Variants in CSMD2 observed in about 807,000 individuals in gnomAD.
CSMD2 encodes the protein CUB and sushi domain-containing protein 2.
A neutral mutation model predicts 398.5 loss-of-function variants in CSMD2; 130 were observed. The ratio of observed to expected loss-of-function variants is 0.33; its 90% CI spans 0.28 to 0.38. The LOEUF is 0.38. CSMD2 is among the 10% of genes least tolerant of loss of function. The pLI is 1.00. For missense variants in CSMD2, 3,829 were observed against 4,764.9 expected (o/e 0.80, Z 5.78); for synonymous variants, 1,828 against 1,908.5 (o/e 0.96, Z 1.10).
At chr1:33,837,827 T>G (rs1660460339) in intron 6 of CSMD2, among the ~76,000 whole-genome samples, 1 of 152,252 alleles carries the variant, frequency 6.6e-6, no homozygotes, top group Admixed American at 6.5e-5. Context: ...CTCCTCCGAA[T>G]GATAATGACT....
chr1:33,859,085 C>T (rs1639303152), intron 5 of CSMD2, among the ~76,000 whole-genome samples: 5 of 152,180 alleles, frequency 3.3e-5, no homozygotes, highest in Admixed American at 3.3e-4. Flanking sequence ...TACAGACCAG[C>T]AGCCAGAGGA....
At chr1:33,861,191 A>T (rs1639471482) in intron 5 of CSMD2, 1 of 152,330 alleles carries the variant, frequency 6.6e-6, no homozygotes, top group East Asian at 1.9e-4. Context: ...TGTAAAATGT[A>T]TTTCTTATTG....
intron 28 of CSMD2, among the ~76,000 whole-genome samples, chr1:33,648,227 T>C (rs1428958063): frequency 1.3e-5 from 2 of 152,080 alleles, no homozygotes; most frequent in Non-Finnish European, 2.9e-5. Context: ...CCAGGCGTGG[T>C]GGTGGGCACC....
intron 70 of CSMD2, among the ~76,000 whole-genome samples, chr1:33,516,867 G>A (rs2148510205): frequency 1.3e-5 from 2 of 151,012 alleles, no homozygotes; most frequent in South Asian, 2.1e-4. Context: ...TAGGAACCCA[G>A]GAAAACATTC....
At chr1:33,972,484 G>A (rs1645807914) in intron 3 of CSMD2, among the ~76,000 whole-genome samples, 1 of 152,086 alleles carries the variant, frequency 6.6e-6, no homozygotes, top group Non-Finnish European at 1.5e-5. Context: ...GAGGTGGGGA[G>A]GTCATCCTGG....
At chr1:33,794,991 G>C (rs775965459) in intron 10 of CSMD2, among the ~76,000 whole-genome samples, 1 of 151,956 alleles carries the variant, frequency 6.6e-6, no homozygotes, top group Non-Finnish European at 1.5e-5. Context: ...GCAAGGTCTA[G>C]ATGAAGTGGG....
intron 4 of CSMD2, among the ~76,000 whole-genome samples, chr1:33,926,088 T>C (rs950436978): frequency 2.0e-5 from 3 of 152,216 alleles, no homozygotes; most frequent in Non-Finnish European, 4.4e-5. Flanking sequence ...TGATCAATTA[T>C]ATCATTACTT....
chr1:33,651,512 G>A (rs1487245021), intron 28 of CSMD2, among the ~76,000 whole-genome samples: 2 of 152,190 alleles, frequency 1.3e-5, no homozygotes, highest in Non-Finnish European at 2.9e-5. Flanking sequence ...AGAGGAGAGT[G>A]GAGACAGGAA....
chr1:33,694,113 T>C (rs775103647), intron 24 of CSMD2, among the ~76,000 whole-genome samples: 1 of 152,178 alleles, frequency 6.6e-6, no homozygotes, highest in Non-Finnish European at 1.5e-5. Context: ...TGCTACATGC[T>C]ACAATATAGA....
intron 37 of CSMD2, among the ~76,000 whole-genome samples, chr1:33,617,892 G>C (rs1244344264): frequency 6.6e-6 from 1 of 152,138 alleles, no homozygotes; most frequent in African/African-American, 2.4e-5. Context: ...CACTCACTGA[G>C]CTCTTAGCTA....
intron 9 of CSMD2, among the ~76,000 whole-genome samples, chr1:33,816,266 G>T (rs182928008): frequency 3.9e-4 from 60 of 152,320 alleles, no homozygotes; most frequent in Admixed American, 1.1e-3. Context: ...TATTTACTTT[G>T]TGAATCAGTA....
intron 3 of CSMD2, among the ~76,000 whole-genome samples, chr1:33,977,477 A>C (rs915859813): frequency 6.6e-6 from 1 of 151,988 alleles, no homozygotes; most frequent in Admixed American, 6.6e-5. Context: ...CCATCCTTCC[A>C]TCAGGGCACT....
chr1:34,165,067 G>T lies in CSMD2; in HGVS notation c.31C>A (p.Arg11Ser), dbSNP rs151227034. The T allele has an allele frequency of 3.9e-3, 4,746 of 1,215,062 alleles. 149 individuals carry two copies. In the African/African-American group the frequency reaches 0.066, roughly 17 times the overall value. The allele number at this position is 1,215,062 out of a possible 1,614,324, so 75.3% of individuals were successfully genotyped here. MPRSRGRELGRCGCPAGRARG... is the reference protein window; with the variant it reads MPRSRGRELGSCGCPAGRARG... Reference sequence around the variant, plus strand: ...GCCCTCCCCGCGGGGCAGCCGCAGCGCCCCAGCTCCCGTCCCCGCGAGCGC... The same window carrying T: ...GCCCTCCCCGCGGGGCAGCCGCAGCTCCCCAGCTCCCGTCCCCGCGAGCGC... Residue 11 changes from arginine (R) to serine (S), a missense_variant, in exon 1 of 71, where the codon CGC becomes AGC. Physicochemically the swap from Arg to Ser is moderately radical, Grantham distance 110. Coordinates refer to ENST00000373381, the MANE Select transcript of CSMD2 (RefSeq NM_001281956.2).
At chr1:33,857,338 C>T (rs1639172150) in intron 5 of CSMD2, among the ~76,000 whole-genome samples, 2 of 152,156 alleles carry the variant, frequency 1.3e-5, no homozygotes, top group Non-Finnish European at 2.9e-5. Flanking sequence ...TGGATTAATG[C>T]CTTATACTTT....
At chr1:34,114,224 C>A (rs1185555115) in intron 1 of CSMD2, among the ~76,000 whole-genome samples, 3 of 152,072 alleles carry the variant, frequency 2.0e-5, no homozygotes, top group South Asian at 2.1e-4. Context: ...CCAAGGAAAG[C>A]CCCCAGAACC....
At chr1:33,961,928 T>A (rs573723625) in intron 3 of CSMD2, among the ~76,000 whole-genome samples, 1 of 152,226 alleles carries the variant, frequency 6.6e-6, no homozygotes, top group Admixed American at 6.5e-5. Context: ...ACATATTCCT[T>A]TATAGCAACA....
At chr1:33,984,108 C>T (rs577967673) in intron 3 of CSMD2, among the ~76,000 whole-genome samples, 5 of 152,018 alleles carry the variant, frequency 3.3e-5, no homozygotes, top group South Asian at 2.1e-4. Context: ...GAGCCGAGAT[C>T]GCGCCACTGC....
intron 10 of CSMD2, among the ~76,000 whole-genome samples, chr1:33,800,948 A>G (rs989391856): frequency 1.3e-5 from 2 of 151,732 alleles, no homozygotes; most frequent in African/African-American, 4.8e-5. Flanking sequence ...AGGGTGTTTG[A>G]GTAAATGTTT....
chr1:34,100,545 A>G (rs1171822348), intron 1 of CSMD2, among the ~76,000 whole-genome samples: 2 of 151,994 alleles, frequency 1.3e-5, no homozygotes, highest in Admixed American at 1.3e-4. Context: ...AATTTATTCA[A>G]CCACTCCCCT....
Sources: allele counts gnomAD v4.1 joint callset (sites outside exome capture counted in the v4.1 genomes callset), GRCh38; gene constraint gnomAD v4.1.1; transcripts MANE v1.5; gene names NCBI Gene and HGNC (gene_info 2026-07-23, HGNC 2026-07-21).